Variants in BMPR1A observed in about 807,000 individuals in gnomAD.
The protein encoded by BMPR1A is bone morphogenetic protein receptor type-1A.
BMPR1A carries 7 observed loss-of-function variants against 66.0 expected under a neutral mutation model. The ratio of observed to expected loss-of-function variants is 0.11; its 90% confidence interval spans 0.06 to 0.20. The LOEUF is 0.20. Among genes scored for constraint, BMPR1A ranks in the 10% least tolerant of loss-of-function variants. BMPR1A has a pLI of 1.00. For synonymous variants in BMPR1A, 200 were observed against 229.7 expected, an observed-to-expected ratio of 0.87 and a Z score of 1.17; for missense variants, 408 against 669.1, an observed-to-expected ratio of 0.61 and a Z score of 4.31.
At position 86,923,373 on chromosome 10, in the gene BMPR1A, T is replaced by C. The variant is rs771504880; in HGVS notation, c.1343-3T>C. 5.0e-6 allele frequency: 8 copies of C among 1,614,004 alleles called. No individual in the cohort carries two copies. Among genetic ancestry groups the C allele is most frequent in the African/African-American group, 2.7e-5 (2 of 74,928 alleles). On this transcript the variant is annotated splice_region_variant and splice_polypyrimidine_tract_variant and intron_variant, in intron 11 of 12. Coordinates refer to ENST00000372037, the MANE Select transcript of BMPR1A (RefSeq NM_004329.3). ...GTGCCCATGTTTTCTCATTCCCTTATAGGGATCGTGGAAGAATACCAATTG... is the reference window on the plus strand; with the variant it reads ...GTGCCCATGTTTTCTCATTCCCTTACAGGGATCGTGGAAGAATACCAATTG...
intron 1 of BMPR1A, among the ~76,000 whole-genome samples, chr10:86,783,912 T>C (rs1027704948): frequency 2.0e-5 from 3 of 152,282 alleles, no homozygotes; most frequent in African/African-American, 4.8e-5. Context: ...ATTTCCTTTT[T>C]GTGTTGTTTA....
Position 86,768,966 on chromosome 10 carries a change from A to T in BMPR1A, c.-268+12047A>T, listed in dbSNP as rs910597478. ...AGTAGCTTAATGAATGTTAGTGAAG[A>T]TGAGTATTTCTGAGAGAAATAAGCA... On this transcript the variant is annotated intron_variant, in intron 1 of 12. Coordinates refer to ENST00000372037, the MANE Select transcript of BMPR1A (RefSeq NM_004329.3). 2.0e-4 allele frequency among the ~76,000 whole-genome samples: 31 copies of T among 152,246 alleles called. 1 individual carries two copies. The highest frequency in any genetic ancestry group is 7.0e-4 in the African/African-American group (29 of 41,454).
intron 1 of BMPR1A, among the ~76,000 whole-genome samples, chr10:86,769,138 G>A (rs144462886): frequency 6.6e-6 from 1 of 152,300 alleles, no homozygotes; most frequent in East Asian, 1.9e-4. Flanking sequence ...ATGCTTCTGT[G>A]TATCATCAGT....
At position 86,823,758 on chromosome 10, in the gene BMPR1A, A is replaced by G. The variant is rs539406589; in HGVS notation, c.-267-15107A>G. On this transcript the variant is annotated intron_variant, in intron 1 of 12. Coordinates refer to ENST00000372037, the MANE Select transcript of BMPR1A (RefSeq NM_004329.3). The stretch of plus-strand genomic sequence containing the variant: ...ACCCTCCATGGGGCCATGACCAGCC[A>G]CAAAGTATCCTCCCTGACCCTCCCT... 1.7e-3 allele frequency among the ~76,000 whole-genome samples: 258 copies of G among 152,324 alleles called. 1 individual carries two copies. The highest frequency in any genetic ancestry group is 3.8e-3 in the Admixed American group (58 of 15,294).
In BMPR1A at chr10:86,890,087, T is replaced by A. The variant is rs1461705514; in HGVS notation, c.93T>A (p.His31Gln). 3 of 1,613,438 alleles carry A rather than the reference T, an allele frequency of 1.9e-6. No homozygotes were observed. The Admixed American group carries it at 5.0e-5, about 27-fold the overall frequency. Residue 31 changes from histidine (H) to glutamine (Q), a missense_variant, in exon 4 of 13, where the codon CAT becomes CAA. Physicochemically the swap from His to Gln is conservative, Grantham distance 24. Around this residue, in one of 5 missense-constraint regions of BMPR1A, gnomAD observed 68 missense variants for 83.0 expected, o/e 0.82. Coordinates refer to ENST00000372037, the MANE Select transcript of BMPR1A (RefSeq NM_004329.3). ...GACAGAATCTGGATAGTATGCTTCA[T>A]GGCACTGGGATGAAATCAGACTCCG... ...VQGQNLDSML[H>Q]GTGMKSDSDQ...
chr10:86,919,390 C>T lies in BMPR1A; in HGVS notation c.1087C>T (p.Leu363=). 6.2e-7 allele frequency: 1 copy of T among 1,613,010 alleles called. No homozygotes were observed. Among genetic ancestry groups the T allele is most frequent in the Non-Finnish European group, 8.5e-7 (1 of 1,179,790 alleles). Residue 363 remains leucine, a synonymous_variant, in exon 10 of 13, where the codon CTA becomes TTA. Coordinates refer to ENST00000372037, the MANE Select transcript of BMPR1A (RefSeq NM_004329.3). Reference sequence around the variant, plus strand: ...AAAGCCCGCAATTGCTCATCGAGACCTAAAGAGCAAAAACATCCTCATCAA... The same window carrying T: ...AAAGCCCGCAATTGCTCATCGAGACTTAAAGAGCAAAAACATCCTCATCAA... ...QGKPAIAHRD[L]KSKNILIKKN... is the part of the protein sequence containing the mutation.
chr10:86,763,970 T>C (rs1212278800), intron 1 of BMPR1A, among the ~76,000 whole-genome samples: 1 of 152,044 alleles, frequency 6.6e-6, no homozygotes, highest in African/African-American at 2.4e-5. Flanking sequence ...TTTTCTATTT[T>C]TTAGTAGAGA....
intron 1 of BMPR1A, among the ~76,000 whole-genome samples, chr10:86,764,301 ATGTC>A (rs1202284076): frequency 3.3e-5 from 5 of 152,224 alleles, no homozygotes; most frequent in Admixed American, 1.3e-4. Flanking sequence ...GAGGCTCTTA[ATGTC>A]TGCATTTTTC....
intron 1 of BMPR1A, among the ~76,000 whole-genome samples, chr10:86,829,834 G>A (rs1460319824): frequency 6.6e-6 from 1 of 151,926 alleles, no homozygotes; most frequent in Non-Finnish European, 1.5e-5. Flanking sequence ...CCTAGTTTTT[G>A]GCTTTTAACA....
chr10:86,758,687 A>C (rs1433450698), intron 1 of BMPR1A, among the ~76,000 whole-genome samples: 1 of 152,198 alleles, frequency 6.6e-6, no homozygotes, highest in East Asian at 1.9e-4. Flanking sequence ...TTCACAATCC[A>C]TCTCTAGAGA....
rs869312506 is a variant in BMPR1A at position 86,908,693 on chromosome 10, G to A, written c.531-3547G>A. ...TCCCACAGAGGTCATCTGCTGTTGC[G>A]TGTTATTCACATTAGAGGACAGTTG... is the stretch of plus-strand genomic sequence containing the variant. On this transcript the variant is annotated intron_variant, in intron 7 of 12. Coordinates refer to ENST00000372037, the MANE Select transcript of BMPR1A (RefSeq NM_004329.3). Among the ~76,000 whole-genome samples the A allele has an allele frequency of 5.3e-5, 8 of 152,186 alleles. No individual in the cohort carries two copies. Among genetic ancestry groups the A allele is most frequent in the African/African-American group, 9.7e-5 (4 of 41,432 alleles).
chr10:86,866,408 T>TTTTCTTTC (rs1554885987), intron 2 of BMPR1A, among the ~76,000 whole-genome samples: 4 of 110,446 alleles, frequency 3.6e-5, no homozygotes, highest in African/African-American at 1.3e-4. Flanking sequence ...TCTTTTTTTT[T>TTTTCTTTC]TTTTTTTTTT....
At chr10:86,788,794 A>T (rs968727249) in intron 1 of BMPR1A, among the ~76,000 whole-genome samples, 3 of 152,114 alleles carry the variant, frequency 2.0e-5, no homozygotes, top group Admixed American at 2.0e-4. Flanking sequence ...TTTAGTAGAG[A>T]TAGGGTTTCA....
intron 2 of BMPR1A, among the ~76,000 whole-genome samples, chr10:86,853,342 A>G (rs1172733224): frequency 7.2e-5 from 11 of 151,820 alleles, no homozygotes; most frequent in Non-Finnish European, 1.6e-4. Flanking sequence ...TTATTATATG[A>G]AGAATTAGTG....
Position 86,892,077 on chromosome 10 carries a change from C to A in BMPR1A, c.231-50C>A. On this transcript the variant is annotated intron_variant, in intron 4 of 12. Transcript: ENST00000372037. ...CATTCAGACTCAAATTTCGTTAGTACTTTCTATGTGAATTTATGTTTTGTT... is the reference window on the plus strand; with the variant it reads ...CATTCAGACTCAAATTTCGTTAGTAATTTCTATGTGAATTTATGTTTTGTT... 2 of 1,489,760 alleles carry A rather than the reference C, an allele frequency of 1.3e-6. No homozygotes were observed. Among genetic ancestry groups the A allele is most frequent in the Non-Finnish European group, 1.9e-6 (2 of 1,075,186 alleles). 92.3% of individuals were successfully genotyped at this position (1,489,760 alleles called of 1,614,324 possible). A position where few individuals can be genotyped will look rare whatever the true frequency, so the allele number is the denominator to read the frequency against.
intron 8 of BMPR1A, among the ~76,000 whole-genome samples, chr10:86,914,947 A>G (rs990507814): frequency 6.6e-6 from 1 of 152,234 alleles, no homozygotes; most frequent in Admixed American, 6.5e-5. Context: ...CATAAACTGG[A>G]AACAACCCCA....
At chr10:86,867,121 T>A (rs1242626571) in intron 2 of BMPR1A, among the ~76,000 whole-genome samples, 5 of 152,128 alleles carry the variant, frequency 3.3e-5, no homozygotes, top group Non-Finnish European at 5.9e-5. Flanking sequence ...CATTAAACTG[T>A]TTTTTTCTCT....
intron 1 of BMPR1A, among the ~76,000 whole-genome samples, chr10:86,800,085 G>A (rs1841790579): frequency 6.6e-6 from 1 of 152,136 alleles, no homozygotes. Flanking sequence ...TGGCCTGTAG[G>A]CATGTTTTTG....
rs576962151 is a variant in BMPR1A at position 86,780,497 on chromosome 10, C to T, written c.-268+23578C>T. ...TCGCTCAGGCTGGAGTGCAGTGGCA[C>T]GATCTCGGCTCACTGCAACCTCCGC... is the stretch of plus-strand genomic sequence containing the variant. On this transcript the variant is annotated intron_variant, in intron 1 of 12. Transcript: ENST00000372037. Among the ~76,000 whole-genome samples, 65 of 152,066 alleles carry T rather than the reference C, an allele frequency of 4.3e-4. No homozygotes were observed. In the South Asian group the frequency reaches 0.012, roughly 28 times the overall value.
Sources: allele counts gnomAD v4.1 joint callset (sites outside exome capture counted in the v4.1 genomes callset), GRCh38; gene constraint gnomAD v4.1.1; regional missense constraint gnomAD v4.1.1; transcripts MANE v1.5; gene names NCBI Gene and HGNC (gene_info 2026-07-23, HGNC 2026-07-21).